HMCN2: variants seen among roughly 807,000 people sequenced by gnomAD.
HMCN2 encodes hemicentin-2.
In HMCN2, 325 loss-of-function variants were observed where a neutral mutation model predicts 377.5. That is an observed-to-expected ratio of 0.86 (90% CI 0.79 to 0.94). The LOEUF (loss-of-function observed/expected upper bound fraction) is 0.94. HMCN2 is among the 40% of genes least tolerant of loss of function. The pLI is 0.00. For synonymous variants in HMCN2, 2,007 were observed against 2,046.8 expected, an observed-to-expected ratio of 0.98 and a Z score of 0.53; for missense variants, 4,543 against 4,725.3, an observed-to-expected ratio of 0.96 and a Z score of 1.13.
chr9:130,393,944 C>T lies in HMCN2; in HGVS notation c.10437C>T (p.Thr3479=), dbSNP rs1015994001. The T allele has an allele frequency of 9.4e-5, 121 of 1,288,414 alleles. 1 individual carries two copies. The highest frequency in any genetic ancestry group is 1.2e-4 in the Non-Finnish European group (118 of 988,574). 79.8% of individuals were successfully genotyped at this position (1,288,414 alleles called of 1,614,324 possible). ...LEAVGAGDSG[T]YSCVAVSEAG... Reference sequence around the variant, plus strand: ...CAGTGGGAGCTGGTGACTCGGGGACCTACTCCTGTGTGGCCGTGAGCGAGG... The same window carrying T: ...CAGTGGGAGCTGGTGACTCGGGGACTTACTCCTGTGTGGCCGTGAGCGAGG... Residue 3479 remains threonine, a synonymous_variant, in exon 68 of 98, where the codon ACC becomes ACT. Coordinates refer to ENST00000683500, the MANE Select transcript of HMCN2 (RefSeq NM_001291815.2). This position sits in a 1 kb window ranked among gnomAD's most constrained non-coding sequence, Gnocchi z 5.2.
chr9:130,375,699 CCCGTTTGAGGCCT>C lies in HMCN2; in HGVS notation c.7770_7782del (p.Phe2591GlyfsTer15), dbSNP rs1184443585. 1 of 985,780 alleles carries C rather than the reference CCCGTTTGAGGCCT, an allele frequency of 1.0e-6. No individual in the cohort carries two copies. The highest frequency in any genetic ancestry group is 1.7e-5 in the African/African-American group (1 of 57,212). The allele number at this position is 985,780 out of a possible 1,614,324, so 61.1% of individuals were successfully genotyped here. On this transcript the variant is annotated frameshift_variant, in exon 50 of 98. Coordinates refer to ENST00000683500, the MANE Select transcript of HMCN2 (RefSeq NM_001291815.2). LOFTEE classifies it high-confidence loss of function. ...ACATCACCTGGATGAAGGACGGGGCCCCGTTTGAGGCCTCCAGGAACATCCAGCTGCTCCCAGG... is the reference window on the plus strand; with the variant it reads ...ACATCACCTGGATGAAGGACGGGGCCCCAGGAACATCCAGCTGCTCCCAGG...
At chr9:130,300,873 G>A (rs760685362) in intron 8 of HMCN2, among the ~76,000 whole-genome samples, 47 of 152,246 alleles carry the variant, frequency 3.1e-4, no homozygotes, top group Non-Finnish European at 5.6e-4. Flanking sequence ...TAACAGGGAT[G>A]TCTAGGGCCA....
Position 130,399,737 on chromosome 9 carries a change from G to A in HMCN2, c.11605+105G>A, listed in dbSNP as rs558512058. The A allele has an allele frequency of 1.5e-4, 124 of 837,216 alleles. 2 individuals are homozygous for A. In the South Asian group the frequency reaches 2.1e-3, roughly 14 times the overall value. The allele number at this position is 837,216 out of a possible 1,614,324, so 51.9% of individuals were successfully genotyped here. A position where few individuals can be genotyped will look rare whatever the true frequency, so the allele number is the denominator to read the frequency against. ...AGGGAATTGTGTGGCTTTTTCCTGTGCTGCACTGGACACCTCCTCCAGGAA... is the reference window on the plus strand; with the variant it reads ...AGGGAATTGTGTGGCTTTTTCCTGTACTGCACTGGACACCTCCTCCAGGAA... On this transcript the variant is annotated intron_variant, in intron 76 of 97. Coordinates refer to ENST00000683500, the MANE Select transcript of HMCN2 (RefSeq NM_001291815.2).
At chr9:130,315,418 C>A (rs1418441972) in intron 15 of HMCN2, among the ~76,000 whole-genome samples, 2 of 125,736 alleles carry the variant, frequency 1.6e-5, no homozygotes, top group Non-Finnish European at 3.3e-5. Context: ...TCCCTATGCA[C>A]CAATTATATG....
chr9:130,283,528 C>T (rs1835255689), intron 1 of HMCN2, among the ~76,000 whole-genome samples: 1 of 150,922 alleles, frequency 6.6e-6, no homozygotes, highest in African/African-American at 2.4e-5. Context: ...ACAAATGATA[C>T]ACTGAGGATC....
rs1187311521 is a variant in HMCN2, at chr9:130,269,294, G to A, written c.259+3157G>A. Among the ~76,000 whole-genome samples, 75 of 128,238 alleles carry A rather than the reference G, an allele frequency of 5.8e-4. 6 individuals are homozygous for A. Among genetic ancestry groups the A allele is most frequent in the Admixed American group, 1.1e-3 (13 of 12,194 alleles). The allele number at this position is 128,238 out of a possible 152,430, so 84.1% of individuals were successfully genotyped here. A position where few individuals can be genotyped will look rare whatever the true frequency, so the allele number is the denominator to read the frequency against. ...TTTTTTTTTTTTTTTTTTGAAATTA[G>A]TAGTAGAAACCAAGATCTAGTGCTA... On this transcript the variant is annotated intron_variant, in intron 1 of 97. Transcript: ENST00000683500.
chr9:130,284,741 T>C (rs1347341298), intron 2 of HMCN2, 68 bp downstream of exon 2: 1 of 466,412 alleles, frequency 2.1e-6, no homozygotes, highest in Non-Finnish European at 4.4e-6. Flanking sequence ...TTTGGGGAGG[T>C]AGCTTCGAGT....
chr9:130,301,690 C>T (rs972676172), intron 8 of HMCN2, among the ~76,000 whole-genome samples: 2 of 152,234 alleles, frequency 1.3e-5, no homozygotes, highest in Admixed American at 6.5e-5. Flanking sequence ...ATGTCACCGC[C>T]GCCTTCCCAT....
chr9:130,363,957 AAAG>A (rs1002678255), intron 40 of HMCN2, among the ~76,000 whole-genome samples: 20 of 152,066 alleles, frequency 1.3e-4, no homozygotes, highest in African/African-American at 3.6e-4. Flanking sequence ...AGAAAGAAAA[AAAG>A]AGAAGGAAGG....
At chr9:130,324,979 T>C (rs899386451) in intron 19 of HMCN2, among the ~76,000 whole-genome samples, 8,163 of 128,720 alleles carry the variant, frequency 0.063, 351 homozygotes, top group East Asian at 0.22. Flanking sequence ...CACTGCAATA[T>C]CACCTGGAGT....
chr9:130,412,033 G>A (rs1187555115), intron 85 of HMCN2, among the ~76,000 whole-genome samples: 2 of 152,006 alleles, frequency 1.3e-5, no homozygotes, highest in Non-Finnish European at 2.9e-5. Flanking sequence ...GTGCAGTGGT[G>A]CCATCTCTGC....
chr9:130,338,879 A>C (rs1443252302), intron 23 of HMCN2, among the ~76,000 whole-genome samples: 1 of 152,220 alleles, frequency 6.6e-6, no homozygotes, highest in Non-Finnish European at 1.5e-5. Flanking sequence ...GATATTTCAA[A>C]TTTATCTGAA....
In HMCN2 at chr9:130,347,997, G is replaced by T; in HGVS notation, c.4025-548G>T. 1 of 985,352 alleles carries T rather than the reference G, an allele frequency of 1.0e-6. No homozygotes were observed. Among genetic ancestry groups the T allele is most frequent in the Non-Finnish European group, 1.2e-6 (1 of 829,896 alleles). The allele number at this position is 985,352 out of a possible 1,614,324, so 61.0% of individuals were successfully genotyped here. ...GAGAGCGCCCACCCCCACATCCAGGGTGCTATGTGCAGAGGAAAGGAACCC... is the reference window on the plus strand; with the variant it reads ...GAGAGCGCCCACCCCCACATCCAGGTTGCTATGTGCAGAGGAAAGGAACCC... On this transcript the variant is annotated intron_variant, in intron 26 of 97. Coordinates refer to ENST00000683500, the MANE Select transcript of HMCN2 (RefSeq NM_001291815.2). The surrounding 1 kb of genome is among the most constrained non-coding windows in gnomAD (Gnocchi z 5.1).
chr9:130,433,674 T>C lies in HMCN2; in HGVS notation c.15221T>C (p.Val5074Ala). 1 of 1,506,888 alleles carries C rather than the reference T, an allele frequency of 6.6e-7. No homozygotes were observed. The allele number at this position is 1,506,888 out of a possible 1,614,324, so 93.3% of individuals were successfully genotyped here. A position where few individuals can be genotyped will look rare whatever the true frequency, so the allele number is the denominator to read the frequency against. The change falls in exon 98 of 98, where the codon GTG (valine) becomes GCG (alanine). Residue 5074 changes from valine to alanine, a missense_variant. Val to Ala is a moderately conservative substitution (Grantham distance 64, BLOSUM62 0). Transcript: ENST00000683500. Reference protein sequence around the residue: ...HQSVFVLLIAVSPYPY With the variant: ...HQSVFVLLIAASPYPY ...AGCGTCTTCGTCTTGCTCATCGCCG[T>C]GTCCCCCTACCCCTACTAAACGGGA...
intron 92 of HMCN2, 121 bp downstream of exon 92, chr9:130,427,740 T>A: frequency 8.1e-7 from 1 of 1,238,250 alleles, no homozygotes; most frequent in Non-Finnish European, 1.1e-6. Context: ...TGGCCAATTC[T>A]TGAGGGTTTT....
intron 26 of HMCN2, chr9:130,348,087 C>T (rs1024659278): frequency 8.6e-5 from 84 of 974,152 alleles, no homozygotes; most frequent in African/African-American, 2.3e-4. Flanking sequence ...GAACTGGCCC[C>T]GCTTGGGCAG....
At chr9:130,430,680 T>C (rs373264386) in intron 95 of HMCN2, 76 bp downstream of exon 95, 7 of 1,243,872 alleles carry the variant, frequency 5.6e-6, no homozygotes, top group African/African-American at 1.9e-5. Flanking sequence ...TGTGCAGGTG[T>C]CACCCACCGA....
At position 130,430,528 on chromosome 9, in the gene HMCN2, G is replaced by T. The variant is rs780072750; in HGVS notation, c.14571G>T (p.Pro4857=). ...TSYHAWVSLR[P]GPMALSSVGR... The stretch of plus-strand genomic sequence containing the variant: ...ACCACGCCTGGGTCTCTCTCCGTCC[G>T]GGTCCCATGGCCCTGAGCAGTGTGG... Residue 4857 remains proline, a synonymous_variant, in exon 95 of 98, where the codon CCG becomes CCT. Coordinates refer to ENST00000683500, the MANE Select transcript of HMCN2 (RefSeq NM_001291815.2). 1 of 1,550,500 alleles carries T rather than the reference G, an allele frequency of 6.4e-7. No homozygotes were observed. The highest frequency in any genetic ancestry group is 1.4e-5 in the African/African-American group (1 of 73,068).
At chr9:130,292,525 CACTT>C (rs1360396667) in intron 4 of HMCN2, among the ~76,000 whole-genome samples, 5 of 152,206 alleles carry the variant, frequency 3.3e-5, no homozygotes, top group African/African-American at 4.8e-5. Flanking sequence ...CACGGAATCA[CACTT>C]AGTTCTTTCT....
Sources: gnomAD v4.1 joint callset for allele counts (sites outside exome capture counted in the v4.1 genomes callset) on GRCh38, gnomAD v4.1.1 for gene constraint, Gnocchi (gnomAD v3.1) non-coding constraint, MANE v1.5 for transcripts, NCBI Gene and HGNC (gene_info 2026-07-23, HGNC 2026-07-21) for gene names.